The following NRL variants were observed in gnomAD, a reference collection of about 807,000 sequenced individuals.
NRL encodes neural retina-specific leucine zipper protein.
Under a neutral mutation model 12.5 loss-of-function variants are expected in NRL, and 16 were observed. That is an observed-to-expected ratio of 1.28 (90% CI 0.87 to 1.95). NRL has a LOEUF of 1.95. Ranked by LOEUF, NRL falls within the 30% of genes most tolerant of loss-of-function variation. The pLI, the probability that NRL is intolerant of heterozygous loss-of-function variation, is 0.00. For synonymous variants in NRL, 142 were observed against 150.9 expected (o/e 0.94, Z 0.43); for missense variants, 314 against 325.8 (o/e 0.96, Z 0.28).
At chr14:24,086,803 C>T (rs2036477569) in intron 1 of NRL, among the ~76,000 whole-genome samples, 1 of 152,186 alleles carries the variant, frequency 6.6e-6, no homozygotes, top group African/African-American at 2.4e-5. Context: ...TCAGACTAAA[C>T]AAGCTCAGGC....
chr14:24,082,023 C>T (rs531763435), intron 2 of NRL: 4 of 1,201,256 alleles, frequency 3.3e-6, no homozygotes, highest in East Asian at 5.9e-5. Flanking sequence ...CCATCTGTGT[C>T]TGTAATTAAT....
chr14:24,114,645 C>T (rs977331500), intron 1 of NRL, 77 bp downstream of exon 1: 21 of 980,856 alleles, frequency 2.1e-5, no homozygotes, highest in Admixed American at 6.2e-5. Flanking sequence ...CTTACTCCTC[C>T]CCAGCAAGAG....
intron 1 of NRL, among the ~76,000 whole-genome samples, chr14:24,105,332 A>G (rs2037320469): frequency 6.6e-6 from 1 of 152,270 alleles, no homozygotes; most frequent in Non-Finnish European, 1.5e-5. Flanking sequence ...TGTCATGGCC[A>G]TCACAAACAT....
At chr14:24,103,407 T>G in intron 1 of NRL, 1 of 1,222,644 alleles carries the variant, frequency 8.2e-7, no homozygotes, top group Non-Finnish European at 1.2e-6. Context: ...CTGAAGATAT[T>G]CAGAACCATA....
intron 1 of NRL, chr14:24,099,029 C>T: frequency 6.3e-7 from 1 of 1,585,154 alleles, no homozygotes; most frequent in East Asian, 2.3e-5. Flanking sequence ...CCAGCAGCCC[C>T]ATGACCCCAT....
At chr14:24,098,268 C>T (rs2036985808) in intron 1 of NRL, 1 of 1,613,998 alleles carries the variant, frequency 6.2e-7, no homozygotes. Context: ...ATTGTAACTC[C>T]TTCTCAGCGG....
intron 1 of NRL, among the ~76,000 whole-genome samples, chr14:24,105,673 C>A (rs1296193975): frequency 1.3e-5 from 2 of 152,232 alleles, no homozygotes; most frequent in Non-Finnish European, 2.9e-5. Context: ...AATCCCAGCA[C>A]TTTGGGAGGC....
At chr14:24,099,533 T>C in intron 1 of NRL, 2 of 1,554,000 alleles carry the variant, frequency 1.3e-6, no homozygotes, top group South Asian at 1.3e-5. Context: ...ACCTCTTTCT[T>C]ATTCCCTCTC....
chr14:24,114,056 G>T, intron 1 of NRL: 1 of 152,818 alleles, frequency 6.5e-6, no homozygotes. Flanking sequence ...GAGGGGGCAG[G>T]AGGCGGCGAG....
chr14:24,102,615 C>T (rs1370288974), intron 1 of NRL: 3 of 701,374 alleles, frequency 4.3e-6, no homozygotes, highest in Admixed American at 2.4e-5. Flanking sequence ...CCTCTCTCTG[C>T]TCCTTATCAC....
chr14:24,102,637 G>A, intron 1 of NRL: 2 of 829,276 alleles, frequency 2.4e-6, no homozygotes, highest in South Asian at 3.4e-5. Flanking sequence ...CAAGGTTCTA[G>A]GCAGCTGATG....
intron 1 of NRL, chr14:24,100,180 G>A (rs770277224): frequency 2.5e-6 from 4 of 1,614,074 alleles, no homozygotes; most frequent in African/African-American, 2.7e-5. Context: ...TGGTGTTACT[G>A]TGACCTCCTG....
chr14:24,085,554 C>A lies in NRL; in HGVS notation c.-27-2679G>T, dbSNP rs912837835. Reference sequence around the variant, plus strand: ...GAATTATCCAAGGAGATGTTTAAACCTGTCCGAAGCTGTTTAAATAGGGTC... The same window carrying A: ...GAATTATCCAAGGAGATGTTTAAACATGTCCGAAGCTGTTTAAATAGGGTC... On this transcript the variant is annotated intron_variant, in intron 1 of 2. Coordinates refer to ENST00000561028, the MANE Select transcript of NRL (RefSeq NM_001354768.3). The surrounding 1 kb of genome is among the most constrained non-coding windows in gnomAD (Gnocchi z 4.1). Among the ~76,000 whole-genome samples the A allele has an allele frequency of 1.3e-5, 2 of 152,174 alleles. No homozygotes were observed. Among genetic ancestry groups the A allele is most frequent in the Non-Finnish European group, 2.9e-5 (2 of 68,038 alleles).
At chr14:24,098,327 T>G (rs368654746) in intron 1 of NRL, 3 of 1,613,942 alleles carry the variant, frequency 1.9e-6, no homozygotes, top group Non-Finnish European at 2.5e-6. Context: ...GCTGGGCAAC[T>G]GGATGTCCCC....
intron 1 of NRL, among the ~76,000 whole-genome samples, chr14:24,104,629 A>C (rs1296101425): frequency 6.7e-6 from 1 of 150,024 alleles, no homozygotes; most frequent in Non-Finnish European, 1.5e-5. Context: ...CAACAGAGCG[A>C]AACTCCGTCA....
rs111782189 is a variant in NRL, at chr14:24,108,627, G to T, written c.-28+6095C>A. ...GATTACAGGTGTGAGCCACTACCCC[G>T]GGCCACTAAAGGGTATTTACTTATA... On this transcript the variant is annotated intron_variant, in intron 1 of 2. Transcript: ENST00000561028. Among the ~76,000 whole-genome samples, 365 of 151,766 alleles carry T rather than the reference G, an allele frequency of 2.4e-3. 1 individual carries two copies. The highest frequency in any genetic ancestry group is 4.3e-3 in the Non-Finnish European group (294 of 67,912).
At chr14:24,099,676 A>G in intron 1 of NRL, 1 of 1,613,990 alleles carries the variant, frequency 6.2e-7, no homozygotes, top group South Asian at 1.1e-5. Flanking sequence ...TGGAAAGTGG[A>G]GTGTGTGGGG....
At chr14:24,109,448 C>A (rs1349129534) in intron 1 of NRL, among the ~76,000 whole-genome samples, 1 of 152,120 alleles carries the variant, frequency 6.6e-6, no homozygotes, top group South Asian at 2.1e-4. Flanking sequence ...GTAATCCCAG[C>A]ACTTTGGGAG....
At position 24,087,067 on chromosome 14, in the gene NRL, T is replaced by G. The variant is rs147320979; in HGVS notation, c.-27-4192A>C. Reference sequence around the variant, plus strand: ...GATGAAGCCAGTGTGACTCCAGGAATAATAGAACAGAGGAAGGAGACTAAG... The same window carrying G: ...GATGAAGCCAGTGTGACTCCAGGAAGAATAGAACAGAGGAAGGAGACTAAG... On this transcript the variant is annotated intron_variant, in intron 1 of 2. Transcript: ENST00000561028. 5.4e-3 allele frequency among the ~76,000 whole-genome samples: 816 copies of G among 152,164 alleles called. 8 individuals are homozygous for G. Among genetic ancestry groups the G allele is most frequent in the African/African-American group, 0.017 (709 of 41,496 alleles).
Sources: gnomAD v4.1 joint callset for allele counts (sites outside exome capture counted in the v4.1 genomes callset) on GRCh38, gnomAD v4.1.1 for gene constraint, Gnocchi (gnomAD v3.1) non-coding constraint, MANE v1.5 for transcripts, NCBI Gene and HGNC (gene_info 2026-07-23, HGNC 2026-07-21) for gene names.